LRFN2: variants seen among roughly 807,000 people sequenced by gnomAD.
The protein encoded by LRFN2 is leucine-rich repeat and fibronectin type-III domain-containing protein 2.
Under a neutral mutation model 37.3 loss-of-function variants are expected in LRFN2, and 18 were observed. That is an observed-to-expected ratio of 0.48 (90% confidence interval 0.33 to 0.72). LRFN2 has a LOEUF of 0.72. LRFN2 is among the 30% of genes least tolerant of loss of function. LRFN2 has a pLI of 0.02. For synonymous variants in LRFN2, 556 were observed against 466.6 expected, an observed-to-expected ratio of 1.19 and a Z score of -2.47; for missense variants, 1,006 against 1,060.7, an observed-to-expected ratio of 0.95 and a Z score of 0.72.
In LRFN2 at chr6:40,451,595, G is replaced by A. The variant is rs535194227; in HGVS notation, c.-18-18464C>T. ...GAGCACCTCTCTAGTCTGGCCACGC[G>A]GCCTGTGTTGGGGAGAGCAGACATT... On this transcript the variant is annotated intron_variant, in intron 1 of 2. Transcript: ENST00000338305. Among the ~76,000 whole-genome samples, 4 of 152,334 alleles carry A rather than the reference G, an allele frequency of 2.6e-5. 1 individual carries two copies. Among genetic ancestry groups the A allele is most frequent in the South Asian group, 4.2e-4 (2 of 4,818 alleles).
intron 1 of LRFN2, among the ~76,000 whole-genome samples, chr6:40,562,918 C>T (rs984398794): frequency 3.9e-5 from 6 of 152,032 alleles, no homozygotes; most frequent in African/African-American, 1.5e-4. Context: ...GTAGCTGTGG[C>T]TCTCAAGAGG....
intron 2 of LRFN2, among the ~76,000 whole-genome samples, chr6:40,412,318 C>A (rs989793305): frequency 3.3e-5 from 5 of 152,088 alleles, no homozygotes; most frequent in African/African-American, 1.2e-4. Flanking sequence ...TTGAGGGATC[C>A]CTTTGAGTTA....
intron 1 of LRFN2, among the ~76,000 whole-genome samples, chr6:40,528,473 C>T (rs1766293748): frequency 6.6e-6 from 1 of 152,212 alleles, no homozygotes; most frequent in South Asian, 2.1e-4. Flanking sequence ...GCCTGCCCTG[C>T]CACGGCTGTC....
intron 2 of LRFN2, among the ~76,000 whole-genome samples, chr6:40,425,799 A>G (rs1269911654): frequency 6.6e-6 from 1 of 152,250 alleles, no homozygotes; most frequent in Non-Finnish European, 1.5e-5. Flanking sequence ...TGCAGCCAGG[A>G]CTGTTAAATA....
intron 2 of LRFN2, among the ~76,000 whole-genome samples, chr6:40,425,376 C>T (rs529915353): frequency 3.9e-5 from 6 of 152,350 alleles, no homozygotes; most frequent in South Asian, 2.1e-4. Context: ...TCCAACATCA[C>T]GCCTGGTGAC....
At chr6:40,395,555 T>A (rs1277587452) in intron 2 of LRFN2, among the ~76,000 whole-genome samples, 1 of 152,112 alleles carries the variant, frequency 6.6e-6, no homozygotes, top group Non-Finnish European at 1.5e-5. Context: ...AGGGCCTCGT[T>A]CCTTTCCCCT....
chr6:40,446,918 T>G (rs1450367828), intron 1 of LRFN2, among the ~76,000 whole-genome samples: 1 of 148,646 alleles, frequency 6.7e-6, no homozygotes, highest in Admixed American at 6.7e-5. Flanking sequence ...TCCCTCAGAC[T>G]GGGGCTTCCT....
At chr6:40,394,146 T>C (rs769250188) in intron 2 of LRFN2, among the ~76,000 whole-genome samples, 1 of 151,986 alleles carries the variant, frequency 6.6e-6, no homozygotes, top group African/African-American at 2.4e-5. Flanking sequence ...TCTCCCCACA[T>C]TGTGGCTGGT....
intron 1 of LRFN2, among the ~76,000 whole-genome samples, chr6:40,484,096 G>A (rs867599996): frequency 5.3e-5 from 8 of 152,166 alleles, no homozygotes; most frequent in Non-Finnish European, 1.0e-4. Flanking sequence ...AGCTCCAGAG[G>A]GCCAGGAGCT....
intron 1 of LRFN2, among the ~76,000 whole-genome samples, chr6:40,511,705 G>A (rs1384223451): frequency 2.6e-5 from 4 of 152,206 alleles, no homozygotes; most frequent in Non-Finnish European, 5.9e-5. Context: ...GGCACCCCAA[G>A]GGGATGACAG....
At chr6:40,585,740 G>A (rs1475884953) in intron 1 of LRFN2, among the ~76,000 whole-genome samples, 1 of 152,064 alleles carries the variant, frequency 6.6e-6, no homozygotes, top group African/African-American at 2.4e-5. Context: ...CAGCAGCAGG[G>A]GGTCAAATTC....
intron 1 of LRFN2, among the ~76,000 whole-genome samples, chr6:40,496,996 T>G (rs762664505): frequency 1.3e-5 from 2 of 152,140 alleles, no homozygotes; most frequent in Admixed American, 1.3e-4. Flanking sequence ...CCTCCTGGTG[T>G]CGGGTGACTG....
At chr6:40,547,105 C>CTTTT (rs71307603) in intron 1 of LRFN2, among the ~76,000 whole-genome samples, 85 of 139,444 alleles carry the variant, frequency 6.1e-4, no homozygotes, top group South Asian at 9.3e-4. Flanking sequence ...TAATGCAAAT[C>CTTTT]TTTTTTTTTT....
intron 1 of LRFN2, among the ~76,000 whole-genome samples, chr6:40,460,000 C>A (rs9369205): frequency 0.26 from 39,863 of 152,070 alleles, 6,106 homozygotes; most frequent in Middle Eastern, 0.42. Context: ...AACCACTGTA[C>A]AACGCTGCCC....
intron 1 of LRFN2, among the ~76,000 whole-genome samples, chr6:40,500,793 G>A (rs984686132): frequency 1.3e-5 from 2 of 152,192 alleles, no homozygotes; most frequent in South Asian, 4.1e-4. Context: ...GGGCCTAGAA[G>A]ACTATGGATG....
At chr6:40,431,234 T>C (rs569367296) in intron 2 of LRFN2, among the ~76,000 whole-genome samples, 1 of 152,286 alleles carries the variant, frequency 6.6e-6, no homozygotes, top group East Asian at 1.9e-4. Flanking sequence ...GCCAGGAGAA[T>C]GAAATGACTA....
At chr6:40,542,971 T>C (rs780030320) in intron 1 of LRFN2, among the ~76,000 whole-genome samples, 5 of 152,216 alleles carry the variant, frequency 3.3e-5, no homozygotes, top group Non-Finnish European at 5.9e-5. Flanking sequence ...GTGCTAAGGA[T>C]AAGGGTCCTA....
Position 40,435,234 on chromosome 6 carries a change from C to G in LRFN2, c.-18-2103G>C, listed in dbSNP as rs566612709. ...GGAGTGCAGTGGCACAATCATAATT[C>G]ATGACAGCCTGAAACTCCTGGGCTC... On this transcript the variant is annotated intron_variant, in intron 1 of 2. Coordinates refer to ENST00000338305, the MANE Select transcript of LRFN2 (RefSeq NM_020737.3). 1.8e-4 allele frequency among the ~76,000 whole-genome samples: 27 copies of G among 149,660 alleles called. 1 individual carries two copies. Among genetic ancestry groups the G allele is most frequent in the African/African-American group, 6.1e-4 (25 of 40,774 alleles).
Position 40,392,261 on chromosome 6 carries a change from A to C in LRFN2, c.2052T>G (p.Ala684=), listed in dbSNP as rs779555221. 6.3e-7 allele frequency: 1 copy of C among 1,594,282 alleles called. No individual in the cohort carries two copies. Among genetic ancestry groups the C allele is most frequent in the Non-Finnish European group, 8.5e-7 (1 of 1,171,978 alleles). Residue 684 remains alanine (A), a synonymous_variant, in exon 3 of 3, where the codon GCT becomes GCG. Coordinates refer to ENST00000338305, the MANE Select transcript of LRFN2 (RefSeq NM_020737.3). The surrounding 1 kb of genome is among the most constrained non-coding windows in gnomAD (Gnocchi z 4.7). ...AGTGGTGGCCCCGGGCCGACGTCCC[A>C]GCCCCTCTCCCGGCTGGAGTCCTGG... ...LDSRTPAGRG[A]GTSARGHHSD... is the part of the protein sequence containing the mutation.
Sources: allele counts gnomAD v4.1 joint callset (sites outside exome capture counted in the v4.1 genomes callset), GRCh38; gene constraint gnomAD v4.1.1; non-coding constraint Gnocchi (gnomAD v3.1); transcripts MANE v1.5; gene names NCBI Gene and HGNC (gene_info 2026-07-23, HGNC 2026-07-21).